CDH18: variants seen among roughly 807,000 people sequenced by gnomAD.
The protein encoded by CDH18 is cadherin 18, also known as cadherin-18.
CDH18 carries 31 observed loss-of-function variants against 67.9 expected under a neutral mutation model. The observed-to-expected ratio is 0.46, with a 90% confidence interval of 0.34 to 0.62. The LOEUF (loss-of-function observed/expected upper bound fraction) is 0.62. CDH18 is among the 20% of genes least tolerant of loss of function. CDH18 has a pLI of 0.01. For missense variants in CDH18, 890 were observed against 975.5 expected, an observed-to-expected ratio of 0.91 and a Z score of 1.17; for synonymous variants, 362 against 347.2, an observed-to-expected ratio of 1.04 and a Z score of -0.48.
intron 1 of CDH18, among the ~76,000 whole-genome samples, chr5:20,423,737 AG>A (rs1427471738): frequency 3.3e-5 from 5 of 150,562 alleles, no homozygotes; most frequent in Non-Finnish European, 5.9e-5. Context: ...CGAGGTCAGA[AG>A]ATCGAGACCA....
chr5:20,254,260 G>A (rs778482411), intron 2 of CDH18, among the ~76,000 whole-genome samples: 3 of 151,980 alleles, frequency 2.0e-5, no homozygotes, highest in Non-Finnish European at 4.4e-5. Flanking sequence ...TTACAGGCAC[G>A]TGCCACCACA....
intron 3 of CDH18, among the ~76,000 whole-genome samples, chr5:19,790,854 C>G (rs573240849): frequency 1.3e-5 from 2 of 152,166 alleles, no homozygotes; most frequent in Non-Finnish European, 2.9e-5. Flanking sequence ...AAGAACCAGA[C>G]AGACTTGAGA....
intron 2 of CDH18, among the ~76,000 whole-genome samples, chr5:20,201,850 G>A (rs1286225374): frequency 6.6e-6 from 1 of 152,122 alleles, no homozygotes; most frequent in Non-Finnish European, 1.5e-5. Context: ...GTGTTTGGGG[G>A]ACAATTAAAC....
rs141117366 is a variant in CDH18 at position 19,741,357 on chromosome 5, C to T, written c.523+5585G>A. On this transcript the variant is annotated intron_variant, in intron 4 of 12. Transcript: ENST00000382275. Reference sequence around the variant, plus strand: ...ACACACACACACACACACACACACACACACATATATGACAGCCAGTACCTT... The same window carrying T: ...ACACACACACACACACACACACACATACACATATATGACAGCCAGTACCTT... Among the ~76,000 whole-genome samples the T allele has an allele frequency of 9.7e-5, 12 of 123,276 alleles. No homozygotes were observed. In the East Asian group the frequency reaches 2.3e-3, roughly 24 times the overall value. 80.9% of individuals were successfully genotyped at this position (123,276 alleles called of 152,430 possible). A position where few individuals can be genotyped will look rare whatever the true frequency, so the allele number is the denominator to read the frequency against.
At chr5:19,563,693 A>G (rs1192445735) in intron 8 of CDH18, among the ~76,000 whole-genome samples, 1 of 152,240 alleles carries the variant, frequency 6.6e-6, no homozygotes, top group African/African-American at 2.4e-5. Flanking sequence ...AACCCTACAA[A>G]GATTGTCAAC....
At chr5:19,909,114 C>G (rs1790841869) in intron 2 of CDH18, among the ~76,000 whole-genome samples, 1 of 152,056 alleles carries the variant, frequency 6.6e-6, no homozygotes, top group African/African-American at 2.4e-5. Flanking sequence ...TAGCCGTTTT[C>G]TGCATTTTCT....
chr5:19,676,216 C>G (rs143227053), intron 5 of CDH18, among the ~76,000 whole-genome samples: 6 of 151,948 alleles, frequency 3.9e-5, no homozygotes, highest in Non-Finnish European at 7.4e-5. Flanking sequence ...ATCAAATCTA[C>G]GACTCATTGG....
intron 1 of CDH18, among the ~76,000 whole-genome samples, chr5:20,285,904 A>C (rs894050245): frequency 6.6e-6 from 1 of 151,654 alleles, no homozygotes; most frequent in African/African-American, 2.4e-5. Context: ...TATGTAGGTT[A>C]AATTTATTTT....
chr5:19,533,853 AGCAATGTTATCT>A (rs1226304136), intron 9 of CDH18, among the ~76,000 whole-genome samples: 2 of 152,192 alleles, frequency 1.3e-5, no homozygotes, highest in Admixed American at 6.5e-5. Flanking sequence ...TTTTTGGAGA[AGCAATGTTATCT>A]GATACAATAC....
chr5:20,281,092 G>A (rs1746228314), intron 1 of CDH18, among the ~76,000 whole-genome samples: 2 of 151,878 alleles, frequency 1.3e-5, no homozygotes, highest in Non-Finnish European at 2.9e-5. Flanking sequence ...AGTTCTTTGT[G>A]GATTCTGGAT....
At chr5:20,399,417 C>A (rs965374687) in intron 1 of CDH18, among the ~76,000 whole-genome samples, 2 of 152,166 alleles carry the variant, frequency 1.3e-5, no homozygotes, top group African/African-American at 4.8e-5. Flanking sequence ...AAATTGATTA[C>A]TTCAGCCTGA....
chr5:20,313,492 C>T (rs753455953), intron 1 of CDH18, among the ~76,000 whole-genome samples: 9 of 151,950 alleles, frequency 5.9e-5, no homozygotes, highest in Non-Finnish European at 1.2e-4. Context: ...TAAAAATACA[C>T]TCAATAAAGT....
At chr5:19,938,418 T>G (rs1490257090) in intron 2 of CDH18, among the ~76,000 whole-genome samples, 1 of 151,464 alleles carries the variant, frequency 6.6e-6, no homozygotes, top group African/African-American at 2.4e-5. Context: ...ATGGCAACTT[T>G]CAGCAGTTAG....
At chr5:20,403,856 T>C (rs1339222430) in intron 1 of CDH18, among the ~76,000 whole-genome samples, 2 of 152,184 alleles carry the variant, frequency 1.3e-5, no homozygotes, top group African/African-American at 4.8e-5. Flanking sequence ...AGGCATTTAC[T>C]TCTCTCTACA....
chr5:20,007,149 T>C (rs1257108583), intron 2 of CDH18, among the ~76,000 whole-genome samples: 1 of 151,832 alleles, frequency 6.6e-6, no homozygotes, highest in East Asian at 1.9e-4. Context: ...ATATAGATTA[T>C]ATATAAGTAA....
chr5:19,493,418 GAAGA>G (rs1741788375), intron 11 of CDH18, among the ~76,000 whole-genome samples: 1 of 152,080 alleles, frequency 6.6e-6, no homozygotes, highest in South Asian at 2.1e-4. Context: ...TTTCTCTTAA[GAAGA>G]AAGGCGTTCT....
At chr5:20,091,151 A>C (rs1315157920) in intron 2 of CDH18, among the ~76,000 whole-genome samples, 1 of 152,108 alleles carries the variant, frequency 6.6e-6, no homozygotes, top group Non-Finnish European at 1.5e-5. Context: ...ACAAAAGTGA[A>C]TGCAAGTTGA....
intron 2 of CDH18, among the ~76,000 whole-genome samples, chr5:20,079,271 A>G (rs555593432): frequency 6.6e-6 from 1 of 152,184 alleles, no homozygotes; most frequent in South Asian, 2.1e-4. Flanking sequence ...TACTTCCATG[A>G]GTTTGACGTC....
At position 19,502,979 on chromosome 5, in the gene CDH18, T is replaced by A; in HGVS notation, c.1630+13A>T. 7.3e-7 allele frequency: 1 copy of A among 1,377,294 alleles called. No individual in the cohort carries two copies. Among genetic ancestry groups the A allele is most frequent in the Non-Finnish European group, 1.0e-6 (1 of 964,440 alleles). 85.3% of individuals were successfully genotyped at this position (1,377,294 alleles called of 1,614,324 possible). A position where few individuals can be genotyped will look rare whatever the true frequency, so the allele number is the denominator to read the frequency against. On this transcript the variant is annotated intron_variant, in intron 11 of 12. Transcript: ENST00000382275. ...TACCACATAGATAAACAAATATGTG[T>A]ATATATGTTCACCTTCATTGTCCTT... is the stretch of plus-strand genomic sequence containing the variant.
Sources: gnomAD v4.1 joint callset for allele counts (sites outside exome capture counted in the v4.1 genomes callset) on GRCh38, gnomAD v4.1.1 for gene constraint, MANE v1.5 for transcripts, NCBI Gene and HGNC (gene_info 2026-07-23, HGNC 2026-07-21) for gene names.